CDH12: variants seen among roughly 807,000 people sequenced by gnomAD.
CDH12 encodes the protein cadherin 12, also known as cadherin-12.
Under a neutral mutation model 74.1 loss-of-function variants are expected in CDH12, and 41 were observed. That is an observed-to-expected ratio of 0.55 (90% CI 0.43 to 0.72). The LOEUF (loss-of-function observed/expected upper bound fraction) is 0.72, where lower values mean the gene tolerates loss of function less well. CDH12 is among the 30% of genes least tolerant of loss of function. The probability of loss-of-function intolerance (pLI) is 0.00; values close to 1 mark genes in which losing one functional copy is unlikely to be tolerated. For missense variants in CDH12, 945 were observed against 977.2 expected (o/e 0.97, Z 0.44); for synonymous variants, 399 against 355.0 (o/e 1.12, Z -1.39).
intron 6 of CDH12, among the ~76,000 whole-genome samples, chr5:21,880,599 CCTTCCTTCCTTCCTTCCTTCT>C: frequency 1.3e-4 from 7 of 55,886 alleles, no homozygotes; most frequent in African/African-American, 4.2e-4. Context: ...TTCCTTCCTT[CCTTCCTTCCTTCCTTCCTTCT>C]TTCTTTCTTT....
intron 2 of CDH12, among the ~76,000 whole-genome samples, chr5:22,497,570 G>C (rs1262571254): frequency 1.3e-5 from 2 of 150,032 alleles, no homozygotes; most frequent in Non-Finnish European, 3.0e-5. Flanking sequence ...AGCCAGAGAA[G>C]TCCTCTGAAA....
intron 4 of CDH12, among the ~76,000 whole-genome samples, chr5:22,175,109 T>G (rs115229201): frequency 5.3e-4 from 80 of 152,176 alleles, no homozygotes; most frequent in African/African-American, 1.9e-3. Context: ...TCATTCTCAA[T>G]CAATTACATT....
chr5:21,761,175 T>G (rs1021692987), intron 12 of CDH12, among the ~76,000 whole-genome samples: 1 of 152,080 alleles, frequency 6.6e-6, no homozygotes, highest in Non-Finnish European at 1.5e-5. Flanking sequence ...TTTTGTTATG[T>G]TTTTCTTCAT....
intron 5 of CDH12, among the ~76,000 whole-genome samples, chr5:22,064,528 G>A (rs1175374318): frequency 2.0e-5 from 3 of 152,080 alleles, no homozygotes; most frequent in Non-Finnish European, 4.4e-5. Flanking sequence ...CAGTAGTAAA[G>A]ACAGCACCAA....
At chr5:22,417,403 A>C (rs1343918630) in intron 2 of CDH12, among the ~76,000 whole-genome samples, 3 of 152,132 alleles carry the variant, frequency 2.0e-5, no homozygotes, top group Non-Finnish European at 4.4e-5. Context: ...TTGCTGATAA[A>C]AGGATGATTT....
chr5:22,610,548 C>CA (rs1362884311), intron 1 of CDH12, among the ~76,000 whole-genome samples: 1 of 151,902 alleles, frequency 6.6e-6, no homozygotes, highest in Non-Finnish European at 1.5e-5. Flanking sequence ...TGTAGAATCT[C>CA]AAAAAATCTG....
At chr5:22,310,187 G>A (rs1017582023) in intron 3 of CDH12, among the ~76,000 whole-genome samples, 28 of 151,918 alleles carry the variant, frequency 1.8e-4, no homozygotes, top group African/African-American at 6.0e-4. Context: ...CAGGCCAAGC[G>A]CGGTGGTTCA....
intron 6 of CDH12, among the ~76,000 whole-genome samples, chr5:21,865,243 A>C (rs1396808294): frequency 6.6e-6 from 1 of 152,168 alleles, no homozygotes; most frequent in Non-Finnish European, 1.5e-5. Flanking sequence ...AGGATGATTT[A>C]AAGACAGAAC....
At chr5:22,641,233 AG>A (rs1462106324) in intron 1 of CDH12, among the ~76,000 whole-genome samples, 1 of 152,138 alleles carries the variant, frequency 6.6e-6, no homozygotes, top group Non-Finnish European at 1.5e-5. Flanking sequence ...GAACCGGGGA[AG>A]CTGATGGTGT....
chr5:22,546,182 G>T (rs139757415), intron 1 of CDH12, among the ~76,000 whole-genome samples: 390 of 152,192 alleles, frequency 2.6e-3, no homozygotes, highest in Middle Eastern at 0.014. Flanking sequence ...CTGACCTCAT[G>T]ATCCACCTGC....
intron 3 of CDH12, among the ~76,000 whole-genome samples, chr5:22,335,010 T>G (rs999184692): frequency 6.6e-6 from 1 of 152,002 alleles, no homozygotes; most frequent in Admixed American, 6.5e-5. Flanking sequence ...TACATCAAGT[T>G]AAAAAGCTTC....
chr5:21,926,038 C>G (rs1325546921), intron 6 of CDH12, among the ~76,000 whole-genome samples: 1 of 151,632 alleles, frequency 6.6e-6, no homozygotes, highest in Non-Finnish European at 1.5e-5. Context: ...TGTCATCTTT[C>G]TTTAGATGTT....
At chr5:22,776,553 A>T (rs536653453) in intron 1 of CDH12, among the ~76,000 whole-genome samples, 1 of 152,260 alleles carries the variant, frequency 6.6e-6, no homozygotes, top group Admixed American at 6.5e-5. Flanking sequence ...CTGTGTAACA[A>T]CACTCTGAGA....
At chr5:22,077,583 C>T (rs1230354763) in intron 5 of CDH12, among the ~76,000 whole-genome samples, 1 of 151,804 alleles carries the variant, frequency 6.6e-6, no homozygotes, top group Non-Finnish European at 1.5e-5. Context: ...ATATCTTTTA[C>T]AAAACTTAAA....
rs185453212 is a variant in CDH12, at chr5:22,054,736, C to G, written c.231+23710G>C. Among the ~76,000 whole-genome samples the G allele has an allele frequency of 1.6e-4, 25 of 152,204 alleles. No homozygotes were observed. In the East Asian group the frequency reaches 4.6e-3, roughly 28 times the overall value. ...CCTGTGCTGAATGTATGTACAGTCT[C>G]TGATTGAGGCCAAAAGGTCAGAGGT... On this transcript the variant is annotated intron_variant, in intron 5 of 14. Transcript: ENST00000382254.
chr5:21,993,644 A>AGGG (rs1736098792), intron 5 of CDH12, among the ~76,000 whole-genome samples: 1 of 152,154 alleles, frequency 6.6e-6, no homozygotes, highest in African/African-American at 2.4e-5. Flanking sequence ...TCTATCAACA[A>AGGG]TATGAATTAT....
chr5:22,618,145 G>A (rs1737782097), intron 1 of CDH12, among the ~76,000 whole-genome samples: 1 of 151,918 alleles, frequency 6.6e-6, no homozygotes, highest in Non-Finnish European at 1.5e-5. Flanking sequence ...ACAATATTTA[G>A]TTTGCAGATG....
At chr5:22,536,177 C>T (rs892708077) in intron 1 of CDH12, among the ~76,000 whole-genome samples, 1 of 152,176 alleles carries the variant, frequency 6.6e-6, no homozygotes, top group African/African-American at 2.4e-5. Flanking sequence ...TCTCAAGTAG[C>T]AAGTGTGCTT....
intron 3 of CDH12, among the ~76,000 whole-genome samples, chr5:22,388,802 T>C (rs991414991): frequency 4.6e-5 from 7 of 152,192 alleles, no homozygotes; most frequent in African/African-American, 1.7e-4. Context: ...TTCTGATAAC[T>C]CTTAAATGCA....
Sources: allele counts gnomAD v4.1 joint callset (sites outside exome capture counted in the v4.1 genomes callset), GRCh38; gene constraint gnomAD v4.1.1; transcripts MANE v1.5; gene names NCBI Gene and HGNC (gene_info 2026-07-23, HGNC 2026-07-21).